Variants in HIVEP3 observed in about 807,000 individuals in gnomAD.
HIVEP3 encodes the protein HIVEP zinc finger 3, also known as transcription factor HIVEP3.
HIVEP3 carries 49 observed loss-of-function variants against 152.8 expected under a neutral mutation model. The ratio of observed to expected loss-of-function variants is 0.32; its 90% CI spans 0.26 to 0.41. The LOEUF (loss-of-function observed/expected upper bound fraction) is 0.41. Among genes scored for constraint, HIVEP3 ranks in the 10% least tolerant of loss-of-function variants. HIVEP3 has a pLI of 1.00. For synonymous variants in HIVEP3, 1,269 were observed against 1,289.0 expected, an observed-to-expected ratio of 0.98 and a Z score of 0.33; for missense variants, 2,790 against 3,103.3, an observed-to-expected ratio of 0.90 and a Z score of 2.40.
chr1:41,944,487 A>G (rs961393720), intron 1 of HIVEP3, among the ~76,000 whole-genome samples: 1 of 152,188 alleles, frequency 6.6e-6, no homozygotes, highest in East Asian at 1.9e-4. Context: ...ACGAATTTGC[A>G]TAAGAACTGT....
chr1:41,715,798 C>A (rs532375491), intron 1 of HIVEP3, among the ~76,000 whole-genome samples: 7 of 152,328 alleles, frequency 4.6e-5, no homozygotes, highest in Admixed American at 3.3e-4. Context: ...AAACACCAGG[C>A]TTCATGCCTA....
intron 2 of HIVEP3, among the ~76,000 whole-genome samples, chr1:41,650,501 C>T (rs1251870543): frequency 6.6e-6 from 1 of 151,376 alleles, no homozygotes. Flanking sequence ...TCACAATAAT[C>T]CTGTAATGTA....
At chr1:41,821,358 A>G (rs1642595837) in intron 1 of HIVEP3, among the ~76,000 whole-genome samples, 1 of 152,196 alleles carries the variant, frequency 6.6e-6, no homozygotes, top group South Asian at 2.1e-4. Context: ...GTCTTGCTGT[A>G]GTGGGAATGG....
chr1:42,018,469 T>C (rs1195625352), intron 1 of HIVEP3, among the ~76,000 whole-genome samples: 3 of 152,012 alleles, frequency 2.0e-5, no homozygotes, highest in South Asian at 2.1e-4. Flanking sequence ...CACTATTTAT[T>C]GAAAAGACAT....
intron 1 of HIVEP3, among the ~76,000 whole-genome samples, chr1:41,843,080 C>A (rs1252011585): frequency 4.6e-5 from 7 of 152,328 alleles, no homozygotes; most frequent in Admixed American, 3.3e-4. Context: ...CCCCTCCGTT[C>A]CCCGTTACCA....
intron 2 of HIVEP3, among the ~76,000 whole-genome samples, chr1:41,700,203 T>G (rs1321203196): frequency 6.6e-6 from 1 of 152,150 alleles, no homozygotes; most frequent in Non-Finnish European, 1.5e-5. Flanking sequence ...CAGAAGCTTC[T>G]TGAGGATAAT....
At chr1:41,689,564 G>A (rs1646164941) in intron 2 of HIVEP3, among the ~76,000 whole-genome samples, 1 of 152,182 alleles carries the variant, frequency 6.6e-6, no homozygotes, top group African/African-American at 2.4e-5. Context: ...AGGAGTGGTA[G>A]GAAGCCATGA....
chr1:41,640,994 T>C (rs1338107433), intron 2 of HIVEP3, among the ~76,000 whole-genome samples: 1 of 152,114 alleles, frequency 6.6e-6, no homozygotes, highest in Non-Finnish European at 1.5e-5. Context: ...AGAGCAAGAG[T>C]GCACGCCCTG....
chr1:42,008,014 C>T (rs1184082065), intron 1 of HIVEP3, among the ~76,000 whole-genome samples: 4 of 152,138 alleles, frequency 2.6e-5, no homozygotes, highest in Non-Finnish European at 4.4e-5. Context: ...ACCTATATTC[C>T]TTCCACTTCA....
intron 5 of HIVEP3, among the ~76,000 whole-genome samples, chr1:41,527,344 C>T (rs1253294529): frequency 1.4e-5 from 2 of 146,144 alleles, no homozygotes; most frequent in Non-Finnish European, 3.0e-5. Flanking sequence ...ATCCCACCTT[C>T]ACACTCACCT....
At chr1:41,917,337 A>G (rs1375034032) in intron 1 of HIVEP3, among the ~76,000 whole-genome samples, 1 of 152,140 alleles carries the variant, frequency 6.6e-6, no homozygotes, top group Non-Finnish European at 1.5e-5. Flanking sequence ...CACCAGAGTT[A>G]ACAAAACCGA....
rs1455904050 is a variant in HIVEP3, at chr1:41,544,997, T to C, written c.5208-20087A>G. ...CCACTATCACCGCCACCACCATCGC[T>C]ACCATCACCACCACCACCACTACCA... On this transcript the variant is annotated intron_variant, in intron 5 of 8. Coordinates refer to ENST00000372583, the MANE Select transcript of HIVEP3 (RefSeq NM_024503.5). Among the ~76,000 whole-genome samples the C allele has an allele frequency of 2.0e-4, 8 of 39,958 alleles. 1 individual carries two copies. Among genetic ancestry groups the C allele is most frequent in the Admixed American group, 2.5e-4 (1 of 3,924 alleles). 26.2% of individuals were successfully genotyped at this position (39,958 alleles called of 152,430 possible).
intron 1 of HIVEP3, among the ~76,000 whole-genome samples, chr1:41,789,458 C>T (rs774688109): frequency 5.9e-5 from 9 of 152,224 alleles, no homozygotes; most frequent in Admixed American, 2.0e-4. Context: ...GTTTATTTTA[C>T]ACTTGATCTT....
At chr1:41,813,207 G>T (rs997692107) in intron 1 of HIVEP3, among the ~76,000 whole-genome samples, 1 of 152,098 alleles carries the variant, frequency 6.6e-6, no homozygotes, top group Non-Finnish European at 1.5e-5. Context: ...GAGGCTCTGG[G>T]TTCCATGGCC....
At position 41,582,451 on chromosome 1, in the gene HIVEP3, C is replaced by T. The variant is rs142043572; in HGVS notation, c.2347G>A (p.Gly783Ser). Residue 783 changes from glycine (G) to serine (S), a missense_variant, in exon 4 of 9, where the codon GGT (glycine) becomes AGT (serine). Coordinates refer to ENST00000372583, the MANE Select transcript of HIVEP3 (RefSeq NM_024503.5). The surrounding 1 kb of genome is among the most constrained non-coding windows in gnomAD (Gnocchi z 4.7). ...FQPRTPKPGS[G>S]SESGKERRTT... Reference sequence around the variant, plus strand: ...CTCCTCTCCTTCCCTGATTCTGAACCGGACCCTGGCTTGGGAGTCCTTGGC... The same window carrying T: ...CTCCTCTCCTTCCCTGATTCTGAACTGGACCCTGGCTTGGGAGTCCTTGGC... 2.0e-4 allele frequency: 315 copies of T among 1,614,070 alleles called. 1 individual carries two copies. The African/African-American group carries it at 2.6e-3, about 13-fold the overall frequency.
chr1:41,546,494 G>T (rs1044573797), intron 5 of HIVEP3, among the ~76,000 whole-genome samples: 2 of 152,220 alleles, frequency 1.3e-5, no homozygotes, highest in Non-Finnish European at 2.9e-5. Flanking sequence ...ATGCCAGGAA[G>T]TTTCTAAGTG....
intron 1 of HIVEP3, among the ~76,000 whole-genome samples, chr1:41,811,173 GC>G (rs1412553147): frequency 2.6e-5 from 4 of 151,500 alleles, no homozygotes; most frequent in Non-Finnish European, 5.9e-5. Flanking sequence ...CCAGTGGGCA[GC>G]TAGTGAATAG....
chr1:41,656,024 G>GA (rs1372841287), intron 2 of HIVEP3, among the ~76,000 whole-genome samples: 1 of 151,670 alleles, frequency 6.6e-6, no homozygotes, highest in Non-Finnish European at 1.5e-5. Flanking sequence ...TCTTCTTTAA[G>GA]AAAAAAAATA....
rs1265604444 is a variant in HIVEP3 at position 41,581,479 on chromosome 1, C to A, written c.3319G>T (p.Asp1107Tyr). Residue 1107 changes from aspartate to tyrosine, a missense_variant, in exon 4 of 9, where the codon GAC (aspartate) becomes TAC (tyrosine). By Grantham distance (160) the Asp-to-Tyr change is radical. Coordinates refer to ENST00000372583, the MANE Select transcript of HIVEP3 (RefSeq NM_024503.5). This position sits in a 1 kb window ranked among gnomAD's most constrained non-coding sequence, Gnocchi z 4.5. ...GPPGGKGPGQ[D>Y]RPPLGPTVPY... ...ACAGTGGGCCCCAATGGGGGCCTGT[C>A]CTGCCCTGGGCCCTTGCCTCCCGGG... 1 of 1,576,054 alleles carries A rather than the reference C, an allele frequency of 6.3e-7. No individual in the cohort carries two copies. Among genetic ancestry groups the A allele is most frequent in the South Asian group, 1.2e-5 (1 of 82,948 alleles).
Sources: allele counts gnomAD v4.1 joint callset (sites outside exome capture counted in the v4.1 genomes callset), GRCh38; gene constraint gnomAD v4.1.1; non-coding constraint Gnocchi (gnomAD v3.1); transcripts MANE v1.5; gene names NCBI Gene and HGNC (gene_info 2026-07-23, HGNC 2026-07-21).